Variants in SPARC observed in about 807,000 individuals in gnomAD.
The protein encoded by SPARC is basement-membrane protein 40.
In SPARC, 23 loss-of-function variants were observed where a neutral mutation model predicts 37.7. That is an observed-to-expected ratio of 0.61 (90% CI 0.44 to 0.87). The LOEUF (loss-of-function observed/expected upper bound fraction) is 0.87. SPARC is among the 40% of genes least tolerant of loss of function. The pLI is 0.00. For synonymous variants in SPARC, 155 were observed against 150.8 expected (o/e 1.03, Z -0.20); for missense variants, 312 against 389.0 (o/e 0.80, Z 1.66).
chr5:151,685,707 C>T (rs549401063), intron 1 of SPARC: 14 of 152,314 alleles, frequency 9.2e-5, no homozygotes, highest in African/African-American at 3.4e-4. Flanking sequence ...ACTAAACCAC[C>T]AGCACTTGGG....
intron 4 of SPARC, among the ~76,000 whole-genome samples, chr5:151,672,351 T>C (rs368565612): frequency 3.9e-5 from 6 of 152,276 alleles, no homozygotes; most frequent in Middle Eastern, 3.4e-3. Flanking sequence ...ATGCTTTATT[T>C]TGGGTGTTTT....
intron 6 of SPARC, 59 bp from the exon 7 acceptor site, chr5:151,667,659 C>A: frequency 6.4e-7 from 1 of 1,571,870 alleles, no homozygotes. Context: ...GCTCCCCACC[C>A]CAGGCCCCCA....
chr5:151,674,426 AGGTTTG>A (rs1387916566), intron 3 of SPARC, among the ~76,000 whole-genome samples, 180 bp downstream of exon 3: 1 of 152,176 alleles, frequency 6.6e-6, no homozygotes, highest in African/African-American at 2.4e-5. Context: ...GTTCCGTTGA[AGGTTTG>A]GGAAGCATTC....
rs370684236 is a variant in SPARC, at chr5:151,667,119, G to T, written c.585+348C>A. ...GACACTGTTTCAGTGGCCTGAGATG[G>T]GGCCAAGGAATCTGCATTTTATCAG... On this transcript the variant is annotated intron_variant, in intron 7 of 9. Coordinates refer to ENST00000231061, the MANE Select transcript of SPARC (RefSeq NM_003118.4). Among the ~76,000 whole-genome samples, 144 of 152,344 alleles carry T rather than the reference G, an allele frequency of 9.5e-4. 1 individual carries two copies. The highest frequency in any genetic ancestry group is 3.4e-3 in the African/African-American group (142 of 41,584).
At chr5:151,676,090 G>A (rs768109049) in intron 2 of SPARC, 42 bp downstream of exon 2, 9 of 1,545,392 alleles carry the variant, frequency 5.8e-6, no homozygotes, top group South Asian at 4.6e-5. Context: ...TGGTGCTAGC[G>A]GTAGGAATGA....
chr5:151,663,698 G>A (rs1213506808), intron 9 of SPARC, 99 bp from the exon 10 acceptor site: 2 of 1,199,800 alleles, frequency 1.7e-6, no homozygotes, highest in African/African-American at 1.5e-5. Context: ...CCAGGGGCAG[G>A]GGTCTAGGTG....
At chr5:151,684,592 T>C (rs1016233666) in intron 1 of SPARC, among the ~76,000 whole-genome samples, 2 of 133,134 alleles carry the variant, frequency 1.5e-5, no homozygotes, top group Non-Finnish European at 3.1e-5. Flanking sequence ...CCCAAGATGA[T>C]GGAGCTGCCA....
chr5:151,678,094 A>G (rs1012164586), intron 1 of SPARC, among the ~76,000 whole-genome samples: 9 of 152,240 alleles, frequency 5.9e-5, no homozygotes, highest in African/African-American at 2.2e-4. Context: ...CTTGTCTGAG[A>G]TAGTTTGAGG....
At chr5:151,664,310 G>T in intron 8 of SPARC, 75 bp from the exon 9 acceptor site, 1 of 1,390,964 alleles carries the variant, frequency 7.2e-7, no homozygotes, top group Non-Finnish European at 1.0e-6. Context: ...CAACCGGGGA[G>T]TTAGCCTGCC....
chr5:151,667,229 T>C (rs1309140659), intron 7 of SPARC, among the ~76,000 whole-genome samples: 3 of 152,234 alleles, frequency 2.0e-5, no homozygotes, highest in Non-Finnish European at 2.9e-5. Flanking sequence ...TGTGTCTCTT[T>C]TGTTTAACGT....
chr5:151,686,154 G>C (rs1486663988), intron 1 of SPARC, among the ~76,000 whole-genome samples: 2 of 152,142 alleles, frequency 1.3e-5, no homozygotes, highest in African/African-American at 2.4e-5. Context: ...TTCAGATCTA[G>C]ATAAACTAAG....
chr5:151,672,930 A>G lies in SPARC; in HGVS notation c.208+199T>C, dbSNP rs1222323969. 8.6e-6 allele frequency: 5 copies of G among 578,336 alleles called. No homozygotes were observed. In the East Asian group the frequency reaches 1.4e-4, roughly 17 times the overall value. 35.8% of individuals were successfully genotyped at this position (578,336 alleles called of 1,614,324 possible). ...TACCACACACATGGATGGCCTGGAA[A>G]CCGATCTTGCCCAGATCCCAGGGGA... On this transcript the variant is annotated intron_variant, in intron 4 of 9. Coordinates refer to ENST00000231061, the MANE Select transcript of SPARC (RefSeq NM_003118.4).
intron 3 of SPARC, among the ~76,000 whole-genome samples, chr5:151,673,783 G>A (rs905365175): frequency 6.6e-6 from 1 of 152,128 alleles, no homozygotes; most frequent in Non-Finnish European, 1.5e-5. Flanking sequence ...TCCCTAAAAT[G>A]TATGAAAGCA....
At chr5:151,671,744 C>T (rs759400572) in intron 4 of SPARC, 50 bp from the exon 5 acceptor site, 33 of 1,607,308 alleles carry the variant, frequency 2.1e-5, no homozygotes, top group African/African-American at 8.0e-5. Flanking sequence ...CTAGCACATC[C>T]ACCCCCATCC....
At chr5:151,685,954 A>G (rs1238403671) in intron 1 of SPARC, 1 of 152,180 alleles carries the variant, frequency 6.6e-6, no homozygotes, top group Non-Finnish European at 1.5e-5. Flanking sequence ...GAAGAAAGGT[A>G]GTGGATTTGT....
chr5:151,673,940 C>T (rs1052587086), intron 3 of SPARC, among the ~76,000 whole-genome samples: 2 of 150,678 alleles, frequency 1.3e-5, no homozygotes, highest in Non-Finnish European at 2.9e-5. Context: ...CCCCTGCCAG[C>T]CACACCCAAG....
intron 7 of SPARC, among the ~76,000 whole-genome samples, chr5:151,667,222 G>A (rs1760642863): frequency 6.6e-6 from 1 of 152,188 alleles, no homozygotes; most frequent in Non-Finnish European, 1.5e-5. Flanking sequence ...GGCTGTTTGT[G>A]TCTCTTTTGT....
intron 1 of SPARC, chr5:151,679,626 CCCTT>C (rs1255534873): frequency 6.6e-6 from 1 of 152,368 alleles, no homozygotes; most frequent in Non-Finnish European, 1.5e-5. Flanking sequence ...TACATCGAGT[CCCTT>C]CCTTTTGCCT....
chr5:151,661,544 T>G lies in SPARC; in HGVS notation c.*2027A>C, dbSNP rs1194364472. On this transcript the variant is annotated 3_prime_UTR_variant, in exon 10 of 10. Transcript: ENST00000231061. Reference sequence around the variant, plus strand: ...CTGGAGATCTAGGTATGTGGCCCATTGCAATTGAGCACATTTCTTGGGTCT... The same window carrying G: ...CTGGAGATCTAGGTATGTGGCCCATGGCAATTGAGCACATTTCTTGGGTCT... The G allele has an allele frequency of 1.3e-5, 2 of 152,218 alleles. No homozygotes were observed. Among genetic ancestry groups the G allele is most frequent in the Admixed American group, 1.3e-4 (2 of 15,292 alleles). The allele number at this position is 152,218 out of a possible 1,614,324, so 9.4% of individuals were successfully genotyped here.
Sources: gnomAD v4.1 joint callset for allele counts (sites outside exome capture counted in the v4.1 genomes callset) on GRCh38, gnomAD v4.1.1 for gene constraint, MANE v1.5 for transcripts, NCBI Gene and HGNC (gene_info 2026-07-23, HGNC 2026-07-21) for gene names.